Variants in STPG2 observed in about 807,000 individuals in gnomAD.
STPG2 encodes the protein sperm-tail PG-rich repeat-containing protein 2.
In STPG2, 56 loss-of-function variants were observed where a neutral mutation model predicts 54.2. The ratio of observed to expected loss-of-function variants is 1.03; its 90% CI spans 0.83 to 1.29. The LOEUF (loss-of-function observed/expected upper bound fraction) is 1.29. Ranked by LOEUF, STPG2 falls within the 50% of genes most tolerant of loss-of-function variation. The pLI, the probability that STPG2 is intolerant of heterozygous loss-of-function variation, is 0.00. For synonymous variants in STPG2, 200 were observed against 181.8 expected, an observed-to-expected ratio of 1.10 and a Z score of -0.81; for missense variants, 596 against 544.9, an observed-to-expected ratio of 1.09 and a Z score of -0.93.
At chr4:97,870,357 A>G (rs28491536) in intron 8 of STPG2, among the ~76,000 whole-genome samples, 1 of 151,500 alleles carries the variant, frequency 6.6e-6, no homozygotes, top group Non-Finnish European at 1.5e-5. Context: ...ACTTGTTAAA[A>G]TAAAATAATT....
At chr4:97,944,327 A>G (rs566666392) in intron 7 of STPG2, among the ~76,000 whole-genome samples, 1 of 152,048 alleles carries the variant, frequency 6.6e-6, no homozygotes, top group East Asian at 1.9e-4. Flanking sequence ...AGTATAAGAT[A>G]CTTAGCCAAT....
At chr4:97,464,367 T>C (rs1729739136) in intron 4 of STPG2, among the ~76,000 whole-genome samples, 1 of 152,170 alleles carries the variant, frequency 6.6e-6, no homozygotes, top group Non-Finnish European at 1.5e-5. Context: ...TCTTCCAAAC[T>C]AGTAGTGGTG....
At chr4:97,674,791 A>C (rs1255731459) in intron 10 of STPG2, among the ~76,000 whole-genome samples, 1 of 152,188 alleles carries the variant, frequency 6.6e-6, no homozygotes, top group Non-Finnish European at 1.5e-5. Context: ...CTTTGATCTA[A>C]GTCCTGAAAT....
intron 4 of STPG2, among the ~76,000 whole-genome samples, chr4:97,541,240 T>A (rs1322652008): frequency 6.6e-6 from 1 of 151,974 alleles, no homozygotes; most frequent in Admixed American, 6.6e-5. Flanking sequence ...CAGCCCAAAA[T>A]CTCCTTAAGC....
At chr4:97,741,753 T>G (rs1004231282) in intron 9 of STPG2, among the ~76,000 whole-genome samples, 53 of 151,524 alleles carry the variant, frequency 3.5e-4, no homozygotes, top group Non-Finnish European at 5.5e-4. Flanking sequence ...GGAACACTTT[T>G]ACACTGTTGG....
chr4:97,765,951 A>C (rs1726034615), intron 9 of STPG2, among the ~76,000 whole-genome samples: 1 of 152,110 alleles, frequency 6.6e-6, no homozygotes, highest in African/African-American at 2.4e-5. Flanking sequence ...GCTTTAGGGA[A>C]ATCTATGTGA....
chr4:97,851,302 T>C (rs557996571), intron 8 of STPG2, among the ~76,000 whole-genome samples: 3 of 152,328 alleles, frequency 2.0e-5, no homozygotes, highest in Non-Finnish European at 4.4e-5. Flanking sequence ...ATATTTTTAA[T>C]CAATGAATGA....
chr4:97,923,136 G>A (rs1209001287), intron 8 of STPG2, among the ~76,000 whole-genome samples: 1 of 152,274 alleles, frequency 6.6e-6, no homozygotes, highest in Non-Finnish European at 1.5e-5. Context: ...TCCTCGGCCT[G>A]GGCGCCCACT....
chr4:97,692,052 T>A (rs753631274), intron 10 of STPG2, among the ~76,000 whole-genome samples: 9 of 152,066 alleles, frequency 5.9e-5, no homozygotes, highest in Admixed American at 1.3e-4. Flanking sequence ...AGTCCCAGAT[T>A]TTCCCTCTGA....
intron 10 of STPG2, among the ~76,000 whole-genome samples, chr4:97,588,763 T>C (rs901419590): frequency 2.0e-5 from 3 of 152,134 alleles, no homozygotes; most frequent in Non-Finnish European, 2.9e-5. Flanking sequence ...TTTTCCAAGA[T>C]ATATTTTAAA....
At chr4:97,757,128 T>C (rs1725754795) in intron 9 of STPG2, among the ~76,000 whole-genome samples, 1 of 152,194 alleles carries the variant, frequency 6.6e-6, no homozygotes, top group African/African-American at 2.4e-5. Context: ...ATTTTCTGTA[T>C]TTACACTGAT....
intron 8 of STPG2, among the ~76,000 whole-genome samples, chr4:97,871,364 G>C (rs1480858856): frequency 6.7e-6 from 1 of 150,164 alleles, no homozygotes; most frequent in Admixed American, 6.7e-5. Flanking sequence ...CTGGTTCTTT[G>C]AAAGAATTAA....
chr4:97,944,247 G>C (rs1172412674), intron 7 of STPG2, among the ~76,000 whole-genome samples: 2 of 151,922 alleles, frequency 1.3e-5, no homozygotes, highest in African/African-American at 4.8e-5. Flanking sequence ...TAATGGATCT[G>C]CACACATTAC....
intron 5 of STPG2, among the ~76,000 whole-genome samples, chr4:98,063,156 A>G (rs1048956486): frequency 2.0e-5 from 3 of 152,178 alleles, no homozygotes; most frequent in African/African-American, 7.2e-5. Context: ...ATTGTTTAAA[A>G]AAAATCAATC....
chr4:97,869,945 T>C lies in STPG2; in HGVS notation c.1045-29013A>G, dbSNP rs560640777. On this transcript the variant is annotated intron_variant, in intron 8 of 10. Coordinates refer to ENST00000295268, the MANE Select transcript of STPG2 (RefSeq NM_174952.3). ...CAGGACAAGAACCCGGGTCTTCCAC[T>C]TGCAATTCAGTGCTCTGTAAATTAC... Among the ~76,000 whole-genome samples, 4 of 151,746 alleles carry C rather than the reference T, an allele frequency of 2.6e-5. No individual in the cohort carries two copies. The East Asian group carries it at 7.7e-4, about 29-fold the overall frequency.
At chr4:97,691,102 T>C (rs1204200859) in intron 10 of STPG2, among the ~76,000 whole-genome samples, 7 of 152,108 alleles carry the variant, frequency 4.6e-5, no homozygotes, top group African/African-American at 1.7e-4. Context: ...GAAACCTACA[T>C]TATGAACTTT....
chr4:97,738,503 A>C (rs1370931761), intron 9 of STPG2, among the ~76,000 whole-genome samples: 1 of 152,178 alleles, frequency 6.6e-6, no homozygotes, highest in Non-Finnish European at 1.5e-5. Context: ...CTCAAAATAA[A>C]AGGATGGAGA....
chr4:97,566,370 C>A (rs1336545152), intron 10 of STPG2, among the ~76,000 whole-genome samples: 1 of 152,144 alleles, frequency 6.6e-6, no homozygotes. Context: ...AAGGGAACTC[C>A]CTGTCCCCTT....
At chr4:98,080,315 A>G (rs529263492) in intron 5 of STPG2, among the ~76,000 whole-genome samples, 6 of 152,048 alleles carry the variant, frequency 3.9e-5, no homozygotes, top group African/African-American at 1.4e-4. Flanking sequence ...CTGTACTCAA[A>G]CTCCTGAGGC....
Sources: allele counts gnomAD v4.1 joint callset (sites outside exome capture counted in the v4.1 genomes callset), GRCh38; gene constraint gnomAD v4.1.1; transcripts MANE v1.5; gene names NCBI Gene and HGNC (gene_info 2026-07-23, HGNC 2026-07-21).